The following ADCK1 variants were observed in gnomAD, a reference collection of about 807,000 sequenced individuals.
The protein encoded by ADCK1 is aarF domain containing kinase 1, also known as aarF domain-containing protein kinase 1.
ADCK1 carries 41 observed loss-of-function variants against 52.3 expected under a neutral mutation model. That is an observed-to-expected ratio of 0.78 (90% confidence interval 0.61 to 1.02). The LOEUF is 1.02. Among genes scored for constraint, ADCK1 ranks in the 50% least tolerant of loss-of-function variants. ADCK1 has a pLI of 0.00. For missense variants in ADCK1, 658 were observed against 679.5 expected, an observed-to-expected ratio of 0.97 and a Z score of 0.35; for synonymous variants, 250 against 274.6, an observed-to-expected ratio of 0.91 and a Z score of 0.89.
At chr14:77,913,202 A>T (rs577218982) in intron 7 of ADCK1, among the ~76,000 whole-genome samples, 1 of 152,206 alleles carries the variant, frequency 6.6e-6, no homozygotes, top group Non-Finnish European at 1.5e-5. Flanking sequence ...GTTTGCAAGA[A>T]TCTGCATTTC....
intron 3 of ADCK1, among the ~76,000 whole-genome samples, chr14:77,831,257 T>G (rs1210576733): frequency 1.3e-5 from 2 of 152,176 alleles, no homozygotes; most frequent in African/African-American, 2.4e-5. Context: ...TTTCTTCTCC[T>G]AAATTCCTTA....
At chr14:77,826,379 G>A (rs556395668) in intron 3 of ADCK1, among the ~76,000 whole-genome samples, 8 of 152,230 alleles carry the variant, frequency 5.3e-5, no homozygotes, top group South Asian at 4.2e-4. Flanking sequence ...GGCTAGCTTC[G>A]GCAGGCGGTG....
chr14:77,886,940 A>G lies in ADCK1; in HGVS notation c.424-151A>G, dbSNP rs951181436. 4.0e-5 allele frequency: 24 copies of G among 604,566 alleles called. No individual in the cohort carries two copies. The Admixed American group carries it at 7.7e-4, about 19-fold the overall frequency. 37.5% of individuals were successfully genotyped at this position (604,566 alleles called of 1,614,324 possible). On this transcript the variant is annotated intron_variant, in intron 4 of 10. Coordinates refer to ENST00000238561, the MANE Select transcript of ADCK1 (RefSeq NM_020421.4). ...CACACACACACACACACACACACAC[A>G]CGCACAACACACACACACACTCTCT...
At chr14:77,835,034 A>T (rs1810488243) in intron 3 of ADCK1, among the ~76,000 whole-genome samples, 1 of 152,070 alleles carries the variant, frequency 6.6e-6, no homozygotes, top group African/African-American at 2.4e-5. Flanking sequence ...GGTGCTTCGG[A>T]GCTGTTTCCA....
chr14:77,830,991 G>A (rs1051340311), intron 3 of ADCK1, among the ~76,000 whole-genome samples: 1 of 152,158 alleles, frequency 6.6e-6, no homozygotes, highest in African/African-American at 2.4e-5. Flanking sequence ...ACCCTGCCAG[G>A]TGGTGATCAA....
chr14:77,904,699 A>G (rs1225097194), intron 6 of ADCK1, among the ~76,000 whole-genome samples: 1 of 152,204 alleles, frequency 6.6e-6, no homozygotes, highest in Non-Finnish European at 1.5e-5. Context: ...AGGAGCCCAC[A>G]GGAGGGAGGC....
rs71303864 is a variant in ADCK1, at chr14:77,852,907, A to ATTTTTT, written c.220-6150_220-6145dup. On this transcript the variant is annotated intron_variant, in intron 3 of 10. Coordinates refer to ENST00000238561, the MANE Select transcript of ADCK1 (RefSeq NM_020421.4). ...TGTATATATATATATATATATATAT[A>ATTTTTT]TTTTTTTTTTTTTTTTTTTTTTTTA... Among the ~76,000 whole-genome samples, 59 of 28,948 alleles carry ATTTTTT rather than the reference A, an allele frequency of 2.0e-3. 5 individuals carry two copies. Among genetic ancestry groups the ATTTTTT allele is most frequent in the African/African-American group, 5.3e-3 (24 of 4,504 alleles). The allele number at this position is 28,948 out of a possible 152,430, so 19.0% of individuals were successfully genotyped here. A position where few individuals can be genotyped will look rare whatever the true frequency, so the allele number is the denominator to read the frequency against.
chr14:77,827,350 CAAAAAAAAAA>C (rs772586548), intron 3 of ADCK1, among the ~76,000 whole-genome samples: 1 of 72,068 alleles, frequency 1.4e-5, no homozygotes. Context: ...GACTCTGTCT[CAAAAAAAAAA>C]AAAAAAAAAA....
intron 4 of ADCK1, among the ~76,000 whole-genome samples, chr14:77,878,017 C>T (rs1167255152): frequency 1.3e-5 from 2 of 152,206 alleles, no homozygotes; most frequent in South Asian, 2.1e-4. Context: ...CAGGTTCAGC[C>T]CCTGAGCATA....
chr14:77,879,323 G>A (rs1201710350), intron 4 of ADCK1, among the ~76,000 whole-genome samples: 3 of 152,224 alleles, frequency 2.0e-5, no homozygotes, highest in African/African-American at 2.4e-5. Flanking sequence ...CAAATATGAA[G>A]AGGTAAATGT....
chr14:77,892,848 G>C (rs2083311677), intron 5 of ADCK1, among the ~76,000 whole-genome samples: 1 of 152,150 alleles, frequency 6.6e-6, no homozygotes, highest in East Asian at 1.9e-4. Context: ...TGATGGGGGA[G>C]ATGGCTGTTG....
chr14:77,805,743 C>A (rs1324079159), intron 1 of ADCK1, among the ~76,000 whole-genome samples: 1 of 151,906 alleles, frequency 6.6e-6, no homozygotes, highest in African/African-American at 2.4e-5. Context: ...GCATGAGACC[C>A]TAGAGGGAAT....
At chr14:77,868,741 C>T (rs1046550786) in intron 4 of ADCK1, among the ~76,000 whole-genome samples, 5 of 152,126 alleles carry the variant, frequency 3.3e-5, no homozygotes, top group East Asian at 1.9e-4. Flanking sequence ...TCACTAACCC[C>T]GGGAAGGTTG....
intron 4 of ADCK1, among the ~76,000 whole-genome samples, chr14:77,865,393 G>A (rs1048403606): frequency 5.3e-5 from 8 of 152,312 alleles, no homozygotes; most frequent in African/African-American, 1.9e-4. Flanking sequence ...TGAGGCAGGA[G>A]AATCCCTTGA....
intron 3 of ADCK1, among the ~76,000 whole-genome samples, chr14:77,851,093 C>T (rs1013012407): frequency 3.3e-5 from 5 of 151,360 alleles, no homozygotes; most frequent in Non-Finnish European, 4.4e-5. Flanking sequence ...ATTTGAAGAG[C>T]GTTTCTTTTA....
chr14:77,845,350 AG>A (rs1278696371), intron 3 of ADCK1, among the ~76,000 whole-genome samples: 2 of 152,354 alleles, frequency 1.3e-5, no homozygotes, highest in East Asian at 1.9e-4. Flanking sequence ...ACATGTATAA[AG>A]GGTTCAGAGT....
chr14:77,842,450 TCCTTCCTTCCTTCCTTCC>T (rs56828006), intron 3 of ADCK1, among the ~76,000 whole-genome samples: 23,475 of 98,910 alleles, frequency 0.24, 3,368 homozygotes, highest in South Asian at 0.31. Context: ...TATTTTTTTT[TCCTTCCTTCCTTCCTTCC>T]TTCCTTCCTT....
At chr14:77,933,196 C>T (rs772921936) in intron 10 of ADCK1, 24 bp from the exon 11 acceptor site, 11 of 1,608,930 alleles carry the variant, frequency 6.8e-6, no homozygotes, top group Admixed American at 1.7e-5. Context: ...TCTCTTTTCT[C>T]CTTTTTTCTT....
In ADCK1 at chr14:77,859,172, C is replaced by G. The variant is rs751108036; in HGVS notation, c.316C>G (p.Leu106Val). Residue 106 changes from leucine (L) to valine (V), a missense_variant, in exon 4 of 11, where the codon CTG becomes GTG. Physicochemically the swap from Leu to Val is conservative, Grantham distance 32. Transcript: ENST00000238561. ...CCAGCACCTGGGGGCTCTGGACTACCTGTTGCCAGAGGAGTACACCAGCAC... is the reference window on the plus strand; with the variant it reads ...CCAGCACCTGGGGGCTCTGGACTACGTGTTGCCAGAGGAGTACACCAGCAC... The part of the protein sequence containing the change: ...VGQHLGALDY[L>V]LPEEYTSTLK... 1 of 1,614,076 alleles carries G rather than the reference C, an allele frequency of 6.2e-7. No homozygotes were observed. Among genetic ancestry groups the G allele is most frequent in the East Asian group, 2.2e-5 (1 of 44,886 alleles).
Sources: gnomAD v4.1 joint callset for allele counts (sites outside exome capture counted in the v4.1 genomes callset) on GRCh38, gnomAD v4.1.1 for gene constraint, MANE v1.5 for transcripts, NCBI Gene and HGNC (gene_info 2026-07-23, HGNC 2026-07-21) for gene names.